STK36: variants seen among roughly 807,000 people sequenced by gnomAD.
STK36 encodes the protein serine/threonine kinase 36.
Under a neutral mutation model 142.2 loss-of-function variants are expected in STK36, and 116 were observed. The ratio of observed to expected loss-of-function variants is 0.82; its 90% confidence interval spans 0.70 to 0.95. The LOEUF is 0.95. STK36 is among the 40% of genes least tolerant of loss of function. STK36 has a pLI of 0.00. For synonymous variants in STK36, 619 were observed against 641.7 expected, an observed-to-expected ratio of 0.96 and a Z score of 0.53; for missense variants, 1,422 against 1,617.2, an observed-to-expected ratio of 0.88 and a Z score of 2.07.
Position 218,673,884 on chromosome 2 carries a change from G to C in STK36, c.231G>C (p.Val77=), listed in dbSNP as rs1940106976. The change falls in exon 4 of 27, where the codon GTG becomes GTC. Residue 77 remains valine, a synonymous_variant. Transcript: ENST00000295709. ...LDSFETDKEV[V]VVTDYAEGEL... ...CCACTGCCTTCTCTCTGTAGGTGGTGGTGGTGACAGACTATGCTGAGGGAG... is the reference window on the plus strand; with the variant it reads ...CCACTGCCTTCTCTCTGTAGGTGGTCGTGGTGACAGACTATGCTGAGGGAG... The C allele has an allele frequency of 6.2e-7, 1 of 1,614,060 alleles. No homozygotes were observed. The highest frequency in any genetic ancestry group is 8.5e-7 in the Non-Finnish European group (1 of 1,180,050).
At chr2:218,675,778 C>T (rs542750370) in intron 5 of STK36, among the ~76,000 whole-genome samples, 4 of 152,254 alleles carry the variant, frequency 2.6e-5, no homozygotes, top group East Asian at 3.9e-4. Context: ...CCCACCTCGG[C>T]CTCCCAAAGT....
Position 218,702,287 on chromosome 2 carries a change from A to C in STK36, c.*278A>C. ...CCTTTTCTCCAATAATGTGCCTTTAACTCTAGGGACCTGCCTCACGGACCT... is the reference window on the plus strand; with the variant it reads ...CCTTTTCTCCAATAATGTGCCTTTACCTCTAGGGACCTGCCTCACGGACCT... On this transcript the variant is annotated 3_prime_UTR_variant, in exon 27 of 27. Transcript: ENST00000295709. 3.4e-6 allele frequency: 1 copy of C among 290,112 alleles called. No homozygotes were observed. 18.0% of individuals were successfully genotyped at this position (290,112 alleles called of 1,614,324 possible).
chr2:218,672,693 G>T, intron 1 of STK36, 48 bp from the exon 2 acceptor site: 1 of 763,804 alleles, frequency 1.3e-6, no homozygotes, highest in East Asian at 2.5e-5. Flanking sequence ...GTGAAAAAGA[G>T]GAAAAGGCAA....
chr2:218,674,082 G>C (rs1201420416), intron 4 of STK36, 126 bp downstream of exon 4: 1 of 848,594 alleles, frequency 1.2e-6, no homozygotes. Flanking sequence ...TAAGAGTCTA[G>C]GTATATAGAG....
chr2:218,690,069 G>A, intron 13 of STK36, 113 bp downstream of exon 13: 1 of 1,062,382 alleles, frequency 9.4e-7, no homozygotes, highest in Non-Finnish European at 1.4e-6. Context: ...TTTGTTACAG[G>A]TTTAGGAATC....
intron 4 of STK36, among the ~76,000 whole-genome samples, chr2:218,674,945 C>T (rs957786368): frequency 1.3e-5 from 2 of 152,050 alleles, no homozygotes; most frequent in South Asian, 2.1e-4. Flanking sequence ...GACTACTTTT[C>T]TTGAAAAAAG....
Position 218,693,741 on chromosome 2 carries a change from C to G in STK36, c.2167C>G (p.Leu723Val). ...CCCTCAGGTTCTATACTCCTGCTGC[C>G]TTGTCAGTGAGGGCCTGTGCCGTCT... Reference protein sequence around the residue: ...HLLKVLYSCCLVSEGLCRLLG... With the variant: ...HLLKVLYSCCVVSEGLCRLLG... Residue 723 changes from leucine (L) to valine (V), a missense_variant, in exon 18 of 27, where the codon CTT becomes GTT. Around this residue, in one of 2 missense-constraint regions of STK36, gnomAD observed 962 missense variants for 1,167.5 expected, o/e 0.82. Coordinates refer to ENST00000295709, the MANE Select transcript of STK36 (RefSeq NM_015690.5). 6.2e-7 allele frequency: 1 copy of G among 1,614,136 alleles called. No individual in the cohort carries two copies. Among genetic ancestry groups the G allele is most frequent in the Non-Finnish European group, 8.5e-7 (1 of 1,180,048 alleles).
In STK36 at chr2:218,694,220, T is replaced by A. The variant is rs753955015; in HGVS notation, c.2337-44T>A. ...GGAGAGGGGAGGCCGCTTACCAACCTCCTTTAATACTGCTGCATCCCTTGA... is the reference window on the plus strand; with the variant it reads ...GGAGAGGGGAGGCCGCTTACCAACCACCTTTAATACTGCTGCATCCCTTGA... On this transcript the variant is annotated intron_variant, in intron 19 of 26. Transcript: ENST00000295709. This position sits in a 1 kb window ranked among gnomAD's most constrained non-coding sequence, Gnocchi z 4.4. 1 of 1,553,144 alleles carries A rather than the reference T, an allele frequency of 6.4e-7. No individual in the cohort carries two copies. Among genetic ancestry groups the A allele is most frequent in the Admixed American group, 1.7e-5 (1 of 59,904 alleles).
rs368519291 is a variant in STK36, at chr2:218,685,403, C to G, written c.1380+175C>G. On this transcript the variant is annotated intron_variant, in intron 11 of 26. Coordinates refer to ENST00000295709, the MANE Select transcript of STK36 (RefSeq NM_015690.5). The stretch of plus-strand genomic sequence containing the variant: ...TTAGTAACACAGAAAGAGCAGCCCT[C>G]AGGTTTCTTTTTCTGAAGGGAAAAA... 8.5e-5 allele frequency among the ~76,000 whole-genome samples: 13 copies of G among 152,256 alleles called. No individual in the cohort carries two copies. In the East Asian group the frequency reaches 1.9e-3, roughly 23 times the overall value.
intron 5 of STK36, 124 bp downstream of exon 5, chr2:218,675,597 TCA>T (rs1940204565): frequency 7.7e-6 from 9 of 1,173,382 alleles, no homozygotes; most frequent in Admixed American, 2.7e-5. Flanking sequence ...CGATCTCCAC[TCA>T]CCACAACCTC....
chr2:218,683,979 T>TA (rs1553602229), intron 10 of STK36, among the ~76,000 whole-genome samples: 4 of 149,686 alleles, frequency 2.7e-5, no homozygotes, highest in African/African-American at 7.5e-5. Context: ...TTTTTTTTTT[T>TA]AAAGAGACAG....
intron 11 of STK36, 21 bp from the exon 12 acceptor site, chr2:218,688,676 T>C (rs957820476): frequency 3.1e-6 from 5 of 1,606,454 alleles, no homozygotes; most frequent in Non-Finnish European, 4.2e-6. Context: ...AATCGTTGCC[T>C]CTTTCCCTCA....
At position 218,693,763 on chromosome 2, in the gene STK36, G is replaced by A. The variant is rs373669832; in HGVS notation, c.2189G>A (p.Arg730His). Residue 730 changes from arginine to histidine, a missense_variant, in exon 18 of 27, where the codon CGT becomes CAT. By Grantham distance (29) the Arg-to-His change is conservative. Transcript: ENST00000295709. ...SCCLVSEGLC[R>H]LLGQEPLALE... is the part of the protein sequence containing the mutation. ...TGCCTTGTCAGTGAGGGCCTGTGCC[G>A]TCTTCTGGGGCAGGAGCCCCTGGCC... The A allele has an allele frequency of 7.2e-5, 116 of 1,614,066 alleles. 1 individual carries two copies. Among genetic ancestry groups the A allele is most frequent in the East Asian group, 2.2e-4 (10 of 44,884 alleles).
At chr2:218,674,819 C>G (rs1481728144) in intron 4 of STK36, among the ~76,000 whole-genome samples, 2 of 152,112 alleles carry the variant, frequency 1.3e-5, no homozygotes, top group African/African-American at 2.4e-5. Flanking sequence ...AGGCTGGTCT[C>G]GAACTGCTGG....
intron 21 of STK36, among the ~76,000 whole-genome samples, chr2:218,695,043 A>G (rs1260694274): frequency 6.6e-6 from 1 of 152,082 alleles, no homozygotes; most frequent in Non-Finnish European, 1.5e-5. Flanking sequence ...TTCTTAACAG[A>G]TGGAAAAGGT....
rs1940008132 is a variant in STK36 at position 218,672,161 on chromosome 2, C to T, written c.-144C>T. 1 of 634,012 alleles carries T rather than the reference C, an allele frequency of 1.6e-6. No homozygotes were observed. The allele number at this position is 634,012 out of a possible 1,614,324, so 39.3% of individuals were successfully genotyped here. On this transcript the variant is annotated 5_prime_UTR_variant, in exon 1 of 27. Coordinates refer to ENST00000295709, the MANE Select transcript of STK36 (RefSeq NM_015690.5). ...CATGTGTGGTCCGCCGTCCATTCCA[C>T]ACCTCTGAGCGCCTTTGTCCTCTGA...
intron 11 of STK36, chr2:218,688,339 T>C (rs1377947984): frequency 2.1e-6 from 1 of 474,126 alleles, no homozygotes; most frequent in African/African-American, 2.0e-5. Flanking sequence ...TTTATATGCA[T>C]TGTTTTGAAT....
intron 26 of STK36, 33 bp from the exon 27 acceptor site, chr2:218,701,833 G>A: frequency 1.1e-5 from 17 of 1,611,542 alleles, no homozygotes; most frequent in Non-Finnish European, 1.4e-5. Context: ...TGAGCCTCAT[G>A]TTCTGTTCTA....
At chr2:218,692,841 C>G (rs1051745851) in intron 16 of STK36, 131 bp downstream of exon 16, 34 of 1,277,180 alleles carry the variant, frequency 2.7e-5, no homozygotes, top group Middle Eastern at 2.6e-4. Context: ...AACAGATGCT[C>G]CCACCCTGGG....
Sources: gnomAD v4.1 joint callset for allele counts (sites outside exome capture counted in the v4.1 genomes callset) on GRCh38, gnomAD v4.1.1 for gene constraint, gnomAD v4.1.1 regional missense constraint, Gnocchi (gnomAD v3.1) non-coding constraint, MANE v1.5 for transcripts, NCBI Gene and HGNC (gene_info 2026-07-23, HGNC 2026-07-21) for gene names.